PCDHGA3: variants seen among roughly 807,000 people sequenced by gnomAD.
PCDHGA3 encodes the protein protocadherin gamma subfamily A, 3.
Under a neutral mutation model 58.5 loss-of-function variants are expected in PCDHGA3, and 40 were observed. The observed-to-expected ratio is 0.68, with a 90% CI of 0.53 to 0.89. The LOEUF is 0.89. PCDHGA3 is among the 40% of genes least tolerant of loss of function. The probability of loss-of-function intolerance (pLI) is 0.00; values close to 1 mark genes in which losing one functional copy is unlikely to be tolerated. For missense variants in PCDHGA3, 1,223 were observed against 1,195.9 expected (o/e 1.02, Z -0.33); for synonymous variants, 530 against 525.7 (o/e 1.01, Z -0.11).
chr5:141,409,196 A>G (rs1197077093), intron 1 of PCDHGA3: 2 of 1,613,926 alleles, frequency 1.2e-6, no homozygotes, highest in Non-Finnish European at 1.7e-6. Flanking sequence ...TACCCAGTGT[A>G]AAGTAATCAT....
chr5:141,421,695 T>C (rs374319762), intron 1 of PCDHGA3: 15 of 1,613,840 alleles, frequency 9.3e-6, no homozygotes, highest in Non-Finnish European at 1.2e-5. Context: ...TTGCTCTTCC[T>C]AATGCTAGGG....
chr5:141,470,915 C>A (rs2099244061), intron 1 of PCDHGA3, among the ~76,000 whole-genome samples: 1 of 152,010 alleles, frequency 6.6e-6, no homozygotes, highest in Non-Finnish European at 1.5e-5. Flanking sequence ...GGGACTGTCC[C>A]TATGTTGCTC....
intron 1 of PCDHGA3, chr5:141,373,990 G>A: frequency 8.2e-7 from 1 of 1,221,932 alleles, no homozygotes; most frequent in East Asian, 2.8e-5. Flanking sequence ...TCTGCTTGTT[G>A]AAGGACCTTC....
At chr5:141,361,738 C>T (rs1860251) in intron 1 of PCDHGA3, 2 of 1,613,136 alleles carry the variant, frequency 1.2e-6, no homozygotes, top group Non-Finnish European at 1.7e-6. Context: ...ACTGCAGGCC[C>T]GCGACCAGGG....
rs1467125550 is a variant in PCDHGA3 at position 141,511,799 on chromosome 5, T to G, written c.*626T>G. 6.4e-6 allele frequency: 1 copy of G among 157,228 alleles called. No homozygotes were observed. The highest frequency in any genetic ancestry group is 1.4e-5 in the Non-Finnish European group (1 of 70,874). 9.7% of individuals were successfully genotyped at this position (157,228 alleles called of 1,614,324 possible). ...TGCTTGCTGGATTTAGGGAGGGCAT[T>G]TTGCTACCAAGCCTCTTCCCAACGC... On this transcript the variant is annotated 3_prime_UTR_variant, in exon 4 of 4. Coordinates refer to ENST00000253812, the MANE Select transcript of PCDHGA3 (RefSeq NM_018916.4).
chr5:141,365,116 C>G (rs1763746744), intron 1 of PCDHGA3: 1 of 1,613,900 alleles, frequency 6.2e-7, no homozygotes, highest in Non-Finnish European at 8.5e-7. Flanking sequence ...CTCGGCTGCT[C>G]ATGCTAACCG....
chr5:141,464,583 C>T (rs768431243), intron 1 of PCDHGA3, among the ~76,000 whole-genome samples: 6 of 152,024 alleles, frequency 3.9e-5, no homozygotes, highest in Admixed American at 2.0e-4. Context: ...TGAGAATGTC[C>T]ATTGTCCCAT....
chr5:141,479,211 A>G (rs2099490342), intron 1 of PCDHGA3: 1 of 152,422 alleles, frequency 6.6e-6, no homozygotes, highest in African/African-American at 2.4e-5. Context: ...AAGTATTTAA[A>G]AAATTAAAAC....
At chr5:141,408,002 T>A in intron 1 of PCDHGA3, 1 of 908,258 alleles carries the variant, frequency 1.1e-6, no homozygotes, top group Non-Finnish European at 1.6e-6. Flanking sequence ...GGCCTGGGAT[T>A]CCCTGCGCAG....
chr5:141,430,613 A>T, intron 1 of PCDHGA3: 1 of 679,628 alleles, frequency 1.5e-6, no homozygotes, highest in Admixed American at 3.0e-5. Context: ...CACAAAGCAG[A>T]TAGCTAGGAA....
intron 1 of PCDHGA3, among the ~76,000 whole-genome samples, chr5:141,382,425 AAG>A (rs1778199818): frequency 6.6e-6 from 1 of 152,212 alleles, no homozygotes; most frequent in Admixed American, 6.5e-5. Flanking sequence ...CAGTGCCCAA[AAG>A]AGTCACTTGA....
intron 1 of PCDHGA3, chr5:141,399,822 C>T (rs755182775): frequency 1.2e-6 from 2 of 1,613,084 alleles, no homozygotes; most frequent in Admixed American, 3.3e-5. Context: ...CGCTGGGTCC[C>T]GACGGCTCTG....
At chr5:141,379,459 C>G (rs1775609883) in intron 1 of PCDHGA3, 1 of 152,182 alleles carries the variant, frequency 6.6e-6, no homozygotes, top group East Asian at 1.9e-4. Flanking sequence ...TTCATAAACT[C>G]TGAAAGTGTG....
chr5:141,419,494 T>A, intron 1 of PCDHGA3: 1 of 1,612,380 alleles, frequency 6.2e-7, no homozygotes, highest in Non-Finnish European at 8.5e-7. Context: ...TCAGCGCCAA[T>A]GTGAGCCTGC....
chr5:141,463,927 A>G (rs1454864391), intron 1 of PCDHGA3, among the ~76,000 whole-genome samples: 1 of 152,206 alleles, frequency 6.6e-6, no homozygotes, highest in Non-Finnish European at 1.5e-5. Flanking sequence ...AAATCATTCT[A>G]TATAAATTTA....
chr5:141,435,745 A>T (rs2097777848), intron 1 of PCDHGA3, among the ~76,000 whole-genome samples: 1 of 152,184 alleles, frequency 6.6e-6, no homozygotes, highest in African/African-American at 2.4e-5. Context: ...TTTGAAAAGC[A>T]TTGCTTGATT....
chr5:141,391,303 ATTCTTTTTTTT>A (rs2092340493), intron 1 of PCDHGA3: 1 of 150,682 alleles, frequency 6.6e-6, no homozygotes, highest in South Asian at 2.1e-4. Flanking sequence ...ACGTCTTTCG[ATTCTTTTTTTT>A]TTCTTTTTTT....
At chr5:141,353,559 C>T (rs1360200137) in intron 1 of PCDHGA3, among the ~76,000 whole-genome samples, 1 of 152,026 alleles carries the variant, frequency 6.6e-6, no homozygotes, top group Non-Finnish European at 1.5e-5. Context: ...AATATTATTC[C>T]CACTCTATAA....
intron 1 of PCDHGA3, among the ~76,000 whole-genome samples, chr5:141,430,322 C>G (rs1266324669): frequency 6.7e-6 from 1 of 150,364 alleles, no homozygotes; most frequent in Non-Finnish European, 1.5e-5. Flanking sequence ...AGATTAAAAT[C>G]ATTGTTTATA....
Sources: allele counts gnomAD v4.1 joint callset (sites outside exome capture counted in the v4.1 genomes callset), GRCh38; gene constraint gnomAD v4.1.1; transcripts MANE v1.5; gene names NCBI Gene and HGNC (gene_info 2026-07-23, HGNC 2026-07-21).